KLHL10: variants seen among roughly 807,000 people sequenced by gnomAD.
KLHL10 encodes kelch-like protein 10.
Under a neutral mutation model 46.6 loss-of-function variants are expected in KLHL10, and 11 were observed. The observed-to-expected ratio is 0.24, with a 90% CI of 0.15 to 0.39. The LOEUF (loss-of-function observed/expected upper bound fraction) is 0.39, where lower values mean the gene tolerates loss of function less well. Ranked by LOEUF, KLHL10 falls within the 10% of genes least tolerant of loss-of-function variation. KLHL10 has a pLI of 1.00. For synonymous variants in KLHL10, 254 were observed against 279.1 expected, an observed-to-expected ratio of 0.91 and a Z score of 0.90; for missense variants, 475 against 789.8, an observed-to-expected ratio of 0.60 and a Z score of 4.78.
rs782212341 is a variant in KLHL10 at position 41,847,316 on chromosome 17, A to G, written c.1358A>G (p.Tyr453Cys). The change falls in exon 4 of 5, where the codon TAT becomes TGT. Residue 453 changes from tyrosine (Y) to cysteine (C), a missense_variant. Tyr to Cys is a radical substitution (Grantham distance 194, BLOSUM62 -2). Coordinates refer to ENST00000293303, the MANE Select transcript of KLHL10 (RefSeq NM_152467.5). ...GNECLFTAEV[Y>C]NTESNQWTVI... Reference sequence around the variant, plus strand: ...GAGTGCCTGTTCACAGCAGAAGTGTATAACACTGAAAGTAATCAGTGGACA... The same window carrying G: ...GAGTGCCTGTTCACAGCAGAAGTGTGTAACACTGAAAGTAATCAGTGGACA... 9 of 1,613,800 alleles carry G rather than the reference A, an allele frequency of 5.6e-6. No homozygotes were observed. The highest frequency in any genetic ancestry group is 1.1e-5 in the South Asian group (1 of 91,088).
Position 41,845,476 on chromosome 17 carries a change from G to C in KLHL10, c.1035G>C (p.Gly345=). The change falls in exon 3 of 5, where the codon GGG becomes GGC. Residue 345 remains glycine, a synonymous_variant. Transcript: ENST00000293303. The stretch of plus-strand genomic sequence containing the variant: ...TGAAAGGCTATGTGTATATCATTGG[G>C]GGGTTTGATAGTGTAGACTATTTCA... ...AYLKGYVYII[G]GFDSVDYFNS... 6.2e-7 allele frequency: 1 copy of C among 1,614,204 alleles called. No homozygotes were observed. The highest frequency in any genetic ancestry group is 8.5e-7 in the Non-Finnish European group (1 of 1,180,044).
At chr17:41,837,756 G>C (rs1027197291), upstream of KLHL10, 2 of 1,421,198 alleles carry the variant, frequency 1.4e-6, no homozygotes, top group Admixed American at 5.5e-5. Context: ...TCCAGAACCT[G>C]AGAGCACAAT....
chr17:41,835,755 G>C, upstream of KLHL10: 3 of 1,175,346 alleles, frequency 2.6e-6, no homozygotes, highest in Non-Finnish European at 3.7e-6. Flanking sequence ...TTGGGGCAGA[G>C]AGCTAGGAGG....
intron 2 of KLHL10, among the ~76,000 whole-genome samples, chr17:41,844,091 A>G (rs1210450423): frequency 1.5e-5 from 2 of 135,720 alleles, no homozygotes; most frequent in African/African-American, 5.6e-5. Context: ...GACAAGTCTC[A>G]CTCTGTCACC....
Position 41,847,935 on chromosome 17 carries a change from A to G in KLHL10, c.1455A>G (p.Val485=). 1 of 1,614,062 alleles carries G rather than the reference A, an allele frequency of 6.2e-7. No individual in the cohort carries two copies. The highest frequency in any genetic ancestry group is 8.5e-7 in the Non-Finnish European group (1 of 1,180,044). The stretch of plus-strand genomic sequence containing the variant: ...CGTGTTTCTTTTGCTATCCACAGGT[A>G]GGTGGCTTTGATGGAGCTAATCGAC... ...VIAYGEHVYA[V]GGFDGANRLR... Residue 485 remains valine, a splice_region_variant and synonymous_variant, in exon 5 of 5, where the codon GTA becomes GTG. Coordinates refer to ENST00000293303, the MANE Select transcript of KLHL10 (RefSeq NM_152467.5).
Position 41,841,866 on chromosome 17 carries a change from T to C in KLHL10, c.238T>C (p.Tyr80His). ...SGWNNTEKKV[Y>H]NIPGISPDMM... ...CTGGAACAACACTGAAAAGAAGGTA[T>C]ACAACATCCCTGGCATTTCTCCCGA... The change falls in exon 2 of 5, where the codon TAC becomes CAC. Residue 80 changes from tyrosine (Y) to histidine (H), a missense_variant. By Grantham distance (83) the Tyr-to-His change is moderately conservative. Coordinates refer to ENST00000293303, the MANE Select transcript of KLHL10 (RefSeq NM_152467.5). 1.2e-6 allele frequency: 2 copies of C among 1,614,202 alleles called. No homozygotes were observed. The highest frequency in any genetic ancestry group is 1.7e-6 in the Non-Finnish European group (2 of 1,180,030).
At chr17:41,839,364 C>G (rs889597074) in intron 1 of KLHL10, among the ~76,000 whole-genome samples, 29 of 152,178 alleles carry the variant, frequency 1.9e-4, no homozygotes, top group African/African-American at 7.0e-4. Context: ...GATTCTCACC[C>G]AAACCAACCT....
chr17:41,847,226 T>C, intron 3 of KLHL10, 35 bp from the exon 4 acceptor site: 2 of 1,604,150 alleles, frequency 1.2e-6, no homozygotes, highest in Non-Finnish European at 1.7e-6. Flanking sequence ...CTCCCTAGAG[T>C]GGGAATTTTA....
chr17:41,839,022 CG>C (rs2048199977), intron 1 of KLHL10, among the ~76,000 whole-genome samples: 1 of 151,896 alleles, frequency 6.6e-6, no homozygotes, highest in African/African-American at 2.4e-5. Context: ...GATGGAGTCT[CG>C]CTTTGTCCCC....
chr17:41,836,093 G>A (rs1417473608), upstream of KLHL10: 17 of 1,345,088 alleles, frequency 1.3e-5, no homozygotes, highest in South Asian at 2.1e-5. Flanking sequence ...GTGAAGCGGC[G>A]GTGCCTCGGT....
rs944144879 is a variant in KLHL10, at chr17:41,845,161, G to C, written c.720G>C (p.Met240Ile). The C allele has an allele frequency of 6.2e-7, 1 of 1,614,190 alleles. No individual in the cohort carries two copies. Among genetic ancestry groups the C allele is most frequent in the Non-Finnish European group, 8.5e-7 (1 of 1,180,046 alleles). The change falls in exon 3 of 5, where the codon ATG (methionine) becomes ATC (isoleucine). Residue 240 changes from methionine to isoleucine, a missense_variant. Transcript: ENST00000293303. Reference sequence around the variant, plus strand: ...CCCTAATGCATGCTGAGTACTTCATGAACAATGTTAAGATGAATGACTATG... The same window carrying C: ...CCCTAATGCATGCTGAGTACTTCATCAACAATGTTAAGATGAATGACTATG... ...RLALMHAEYF[M>I]NNVKMNDYVK... is the part of the protein sequence containing the mutation.
At chr17:41,847,199 C>A in intron 3 of KLHL10, 62 bp from the exon 4 acceptor site, 2 of 1,483,948 alleles carry the variant, frequency 1.3e-6, no homozygotes, top group Non-Finnish European at 1.9e-6. Flanking sequence ...CCACCACACA[C>A]ATATCCTTTC....
chr17:41,845,978 G>A (rs782079905), intron 3 of KLHL10, among the ~76,000 whole-genome samples: 16 of 152,184 alleles, frequency 1.1e-4, no homozygotes, highest in Middle Eastern at 3.4e-3. Context: ...TTGGGAGGCC[G>A]AGGCAAGCAG....
At chr17:41,836,775 G>A (rs1258068445), upstream of KLHL10, among the ~76,000 whole-genome samples, 1 of 151,924 alleles carries the variant, frequency 6.6e-6, no homozygotes, top group Non-Finnish European at 1.5e-5. Flanking sequence ...CCAGTAGGCC[G>A]AGATCATACC....
At chr17:41,846,200 A>G (rs1441741910) in intron 3 of KLHL10, among the ~76,000 whole-genome samples, 1 of 150,668 alleles carries the variant, frequency 6.6e-6, no homozygotes, top group Non-Finnish European at 1.5e-5. Context: ...CGACAGTGCA[A>G]GACTCCATCT....
chr17:41,845,083 C>T, intron 2 of KLHL10, 43 bp from the exon 3 acceptor site: 5 of 1,613,460 alleles, frequency 3.1e-6, no homozygotes, highest in Non-Finnish European at 4.2e-6. Context: ...GATTTCCTGG[C>T]ACTCTCACGT....
intron 2 of KLHL10, among the ~76,000 whole-genome samples, chr17:41,844,209 G>A (rs965724334): frequency 6.0e-5 from 9 of 151,180 alleles, no homozygotes; most frequent in East Asian, 1.9e-4. Flanking sequence ...ACAGGCACGC[G>A]GCACCATGCC....
intron 3 of KLHL10, among the ~76,000 whole-genome samples, chr17:41,846,190 C>T (rs961571403): frequency 6.7e-6 from 1 of 148,854 alleles, no homozygotes; most frequent in Non-Finnish European, 1.5e-5. Flanking sequence ...CCAGCCCGGG[C>T]GACAGTGCAA....
rs2048256806 is a variant in KLHL10, at chr17:41,844,206, C to CCT, written c.685-920_685-919insCT. The stretch of plus-strand genomic sequence containing the variant: ...TCCAGAGTAGCTGGGACTACAGGCA[C>CCT]GCGGCACCATGCCTGGCTAATTTTT... On this transcript the variant is annotated intron_variant, in intron 2 of 4. Coordinates refer to ENST00000293303, the MANE Select transcript of KLHL10 (RefSeq NM_152467.5). 4.6e-5 allele frequency among the ~76,000 whole-genome samples: 7 copies of CCT among 151,326 alleles called. No homozygotes were observed. In the South Asian group the frequency reaches 1.5e-3, roughly 32 times the overall value.
Sources: allele counts gnomAD v4.1 joint callset (sites outside exome capture counted in the v4.1 genomes callset), GRCh38; gene constraint gnomAD v4.1.1; transcripts MANE v1.5; gene names NCBI Gene and HGNC (gene_info 2026-07-23, HGNC 2026-07-21).